MINDY1: variants seen among roughly 807,000 people sequenced by gnomAD.
MINDY1 encodes the protein MINDY lysine 48 deubiquitinase 1, also known as ubiquitin carboxyl-terminal hydrolase MINDY-1.
In MINDY1, 50 loss-of-function variants were observed where a neutral mutation model predicts 53.6. That is an observed-to-expected ratio of 0.93 (90% CI 0.74 to 1.18). The LOEUF (loss-of-function observed/expected upper bound fraction) is 1.18, where lower values mean the gene tolerates loss of function less well. MINDY1 is among the 50% of genes most tolerant of loss of function. The pLI, the probability that MINDY1 is intolerant of heterozygous loss-of-function variation, is 0.00. For missense variants in MINDY1, 484 were observed against 578.6 expected, an observed-to-expected ratio of 0.84 and a Z score of 1.68; for synonymous variants, 231 against 234.7, an observed-to-expected ratio of 0.98 and a Z score of 0.14.
chr1:151,001,875 G>T, intron 2 of MINDY1, 93 bp from the exon 3 acceptor site: 2 of 1,377,596 alleles, frequency 1.5e-6, no homozygotes, highest in Non-Finnish European at 2.0e-6. Context: ...TCCAGTAGTA[G>T]GGTGGGGTAG....
Position 151,002,997 on chromosome 1 carries a change from G to A in MINDY1, c.-89-291C>T, listed in dbSNP as rs1470202744. 1.7e-6 allele frequency: 2 copies of A among 1,183,576 alleles called. No individual in the cohort carries two copies. Among genetic ancestry groups the A allele is most frequent in the African/African-American group, 1.6e-5 (1 of 63,788 alleles). The allele number at this position is 1,183,576 out of a possible 1,614,324, so 73.3% of individuals were successfully genotyped here. On this transcript the variant is annotated intron_variant, in intron 1 of 9. Coordinates refer to ENST00000683666, the MANE Select transcript of MINDY1 (RefSeq NM_001376665.1). The surrounding 1 kb of genome is among the most constrained non-coding windows in gnomAD (Gnocchi z 4.1). ...AAACAGATCATGACAGGGAAGGGAGGAAAGACAGAGAGAAAGGGAGAGCAC... is the reference window on the plus strand; with the variant it reads ...AAACAGATCATGACAGGGAAGGGAGAAAAGACAGAGAGAAAGGGAGAGCAC...
chr1:151,005,466 GAAAAAAAGAAAAA>G (rs1329240872), intron 1 of MINDY1, among the ~76,000 whole-genome samples: 2 of 133,100 alleles, frequency 1.5e-5, no homozygotes, highest in Non-Finnish European at 3.3e-5. Flanking sequence ...AAAAAAAAAA[GAAAAAAAGAAAAA>G]AAAAAAAGAA....
At chr1:151,001,109 G>T in intron 4 of MINDY1, 141 bp downstream of exon 4, 2 of 885,228 alleles carry the variant, frequency 2.3e-6, no homozygotes, top group Non-Finnish European at 3.5e-6. Flanking sequence ...CTAGGACAAA[G>T]ATAAACTCTC....
Position 151,002,563 on chromosome 1 carries a change from C to T in MINDY1, c.55G>A (p.Ala19Thr). ...PAPGKAGTAE[A>T]VIPENHEVLA... ...ACCTCATGGTTTTCAGGGATGACTG[C>T]TTCTGCAGTCCCGGCCTTACCAGGG... Residue 19 changes from alanine to threonine, a missense_variant, in exon 2 of 10, where the codon GCA (alanine) becomes ACA (threonine). Physicochemically the swap from Ala to Thr is moderately conservative, Grantham distance 58 (BLOSUM62 0). Coordinates refer to ENST00000683666, the MANE Select transcript of MINDY1 (RefSeq NM_001376665.1). The surrounding 1 kb of genome is among the most constrained non-coding windows in gnomAD (Gnocchi z 4.1). 1 of 1,614,208 alleles carries T rather than the reference C, an allele frequency of 6.2e-7. No individual in the cohort carries two copies. Among genetic ancestry groups the T allele is most frequent in the Non-Finnish European group, 8.5e-7 (1 of 1,180,040 alleles).
upstream of MINDY1, chr1:151,008,239 G>T: frequency 8.6e-7 from 1 of 1,159,700 alleles, no homozygotes. Context: ...GGGTTACTGT[G>T]ACACATACAC....
intron 1 of MINDY1, among the ~76,000 whole-genome samples, chr1:151,004,918 T>A (rs1295332323): frequency 6.6e-6 from 1 of 152,168 alleles, no homozygotes; most frequent in Non-Finnish European, 1.5e-5. Context: ...ACATTAAAGT[T>A]ACTGAAACAA....
chr1:150,999,256 T>G lies in MINDY1; in HGVS notation c.981+113A>C. On this transcript the variant is annotated intron_variant, in intron 7 of 9. Coordinates refer to ENST00000683666, the MANE Select transcript of MINDY1 (RefSeq NM_001376665.1). The surrounding 1 kb of genome is among the most constrained non-coding windows in gnomAD (Gnocchi z 4.4). ...CTTTGTTGTGGTAAACCACAGGGATTTGAGGGGTCACTTGCTACCACGGCT... is the reference window on the plus strand; with the variant it reads ...CTTTGTTGTGGTAAACCACAGGGATGTGAGGGGTCACTTGCTACCACGGCT... 1 of 1,444,586 alleles carries G rather than the reference T, an allele frequency of 6.9e-7. No individual in the cohort carries two copies. The highest frequency in any genetic ancestry group is 9.5e-7 in the Non-Finnish European group (1 of 1,049,780). The allele number at this position is 1,444,586 out of a possible 1,614,324, so 89.5% of individuals were successfully genotyped here.
chr1:151,000,170 T>A (rs756693915), intron 5 of MINDY1, among the ~76,000 whole-genome samples: 1 of 151,892 alleles, frequency 6.6e-6, no homozygotes, highest in Non-Finnish European at 1.5e-5. Flanking sequence ...GGCCTCGAAC[T>A]CCTCCCAAGT....
At chr1:150,998,634 G>C (rs1232036361) in intron 7 of MINDY1, among the ~76,000 whole-genome samples, 1 of 152,184 alleles carries the variant, frequency 6.6e-6, no homozygotes, top group African/African-American at 2.4e-5. Flanking sequence ...GGGATTACAG[G>C]CATGAGCCAC....
At chr1:151,001,848 G>T (rs903913089) in intron 2 of MINDY1, 66 bp from the exon 3 acceptor site, 119 of 1,533,052 alleles carry the variant, frequency 7.8e-5, no homozygotes, top group Non-Finnish European at 9.9e-5. Context: ...AGAACCCATG[G>T]AAAGGCAAGG....
At chr1:151,003,985 C>T (rs962034194) in intron 1 of MINDY1, among the ~76,000 whole-genome samples, 8 of 152,136 alleles carry the variant, frequency 5.3e-5, no homozygotes, top group Non-Finnish European at 7.4e-5. Flanking sequence ...TGCAATGGTG[C>T]GACCTCGGCT....
Position 151,006,844 on chromosome 1 carries a change from C to T in MINDY1, c.-622G>A, listed in dbSNP as rs1207830903. The T allele has an allele frequency of 2.0e-6, 2 of 985,360 alleles. No individual in the cohort carries two copies. The highest frequency in any genetic ancestry group is 2.4e-6 in the Non-Finnish European group (2 of 829,988). 61.0% of individuals were successfully genotyped at this position (985,360 alleles called of 1,614,324 possible). A position where few individuals can be genotyped will look rare whatever the true frequency, so the allele number is the denominator to read the frequency against. Reference sequence around the variant, plus strand: ...AGCGAGAAACAGGAGAGAAAAACAACAGACCCTTTCTCTTCCCTCTGCCTG... The same window carrying T: ...AGCGAGAAACAGGAGAGAAAAACAATAGACCCTTTCTCTTCCCTCTGCCTG... On this transcript the variant is annotated 5_prime_UTR_variant, in exon 1 of 10. Coordinates refer to ENST00000683666, the MANE Select transcript of MINDY1 (RefSeq NM_001376665.1).
chr1:151,004,791 TA>T (rs1672985218), intron 1 of MINDY1, among the ~76,000 whole-genome samples: 4 of 151,156 alleles, frequency 2.6e-5, no homozygotes, highest in African/African-American at 9.7e-5. Flanking sequence ...TAAAATAAAT[TA>T]AACTAGTTAG....
At position 151,002,938 on chromosome 1, in the gene MINDY1, G is replaced by A; in HGVS notation, c.-89-232C>T. On this transcript the variant is annotated intron_variant, in intron 1 of 9. Coordinates refer to ENST00000683666, the MANE Select transcript of MINDY1 (RefSeq NM_001376665.1). The surrounding 1 kb of genome is among the most constrained non-coding windows in gnomAD (Gnocchi z 4.1). ...TCCAGACTTGGGAGGGAAGACTGGT[G>A]GGATTGAACACATGGGTGGAGTCAG... The A allele has an allele frequency of 3.0e-6, 4 of 1,338,256 alleles. No homozygotes were observed. In the Admixed American group the frequency reaches 1.1e-4, roughly 35 times the overall value. 82.9% of individuals were successfully genotyped at this position (1,338,256 alleles called of 1,614,324 possible).
chr1:151,004,835 C>T (rs1358216852), intron 1 of MINDY1, among the ~76,000 whole-genome samples: 2 of 152,092 alleles, frequency 1.3e-5, no homozygotes, highest in Non-Finnish European at 2.9e-5. Flanking sequence ...TCCTCCCAGC[C>T]TGAGACTGCT....
intron 8 of MINDY1, 114 bp downstream of exon 8, chr1:150,997,968 T>A (rs1442346660): frequency 1.6e-6 from 2 of 1,261,642 alleles, no homozygotes; most frequent in Non-Finnish European, 2.2e-6. Context: ...CGGTCTGAGG[T>A]AACCCAGAGA....
upstream of MINDY1, chr1:151,008,344 C>CCCACG: frequency 7.6e-7 from 1 of 1,311,888 alleles, no homozygotes; most frequent in Non-Finnish European, 9.8e-7. Context: ...CCCACGTCGC[C>CCCACG]CCACGCCACG....
chr1:151,005,952 AAGAC>A, intron 1 of MINDY1: 1 of 1,043,988 alleles, frequency 9.6e-7, no homozygotes, highest in Non-Finnish European at 1.3e-6. Flanking sequence ...TAGCTTCAAG[AAGAC>A]ACTCCTTCTC....
upstream of MINDY1, among the ~76,000 whole-genome samples, chr1:151,008,092 A>T (rs1401268075): frequency 6.6e-6 from 1 of 152,198 alleles, no homozygotes; most frequent in Non-Finnish European, 1.5e-5. Flanking sequence ...CAGTTTGGTA[A>T]AGGGCAGAAT....
Sources: allele counts gnomAD v4.1 joint callset (sites outside exome capture counted in the v4.1 genomes callset), GRCh38; gene constraint gnomAD v4.1.1; non-coding constraint Gnocchi (gnomAD v3.1); transcripts MANE v1.5; gene names NCBI Gene and HGNC (gene_info 2026-07-23, HGNC 2026-07-21).